Variants in POU6F2 observed in about 807,000 individuals in gnomAD.
The protein encoded by POU6F2 is POU domain, class 6, transcription factor 2.
POU6F2 carries 31 observed loss-of-function variants against 71.3 expected under a neutral mutation model. The observed-to-expected ratio is 0.43, with a 90% CI of 0.33 to 0.59. POU6F2 has a LOEUF of 0.59. Ranked by LOEUF, POU6F2 falls within the 20% of genes least tolerant of loss-of-function variation. POU6F2 has a pLI of 0.04. For synonymous variants in POU6F2, 347 were observed against 355.7 expected, an observed-to-expected ratio of 0.98 and a Z score of 0.27; for missense variants, 783 against 856.8, an observed-to-expected ratio of 0.91 and a Z score of 1.07.
In POU6F2 at chr7:38,992,193, G is replaced by A. The variant is rs147591668; in HGVS notation, c.105+14135G>A. On this transcript the variant is annotated intron_variant, in intron 1 of 9. Transcript: ENST00000518318. ...TAATTTATACCTCAGTAGAATGCTCGTCTCAAGTGGTTTTGAAGCCTCAAG... is the reference window on the plus strand; with the variant it reads ...TAATTTATACCTCAGTAGAATGCTCATCTCAAGTGGTTTTGAAGCCTCAAG... Among the ~76,000 whole-genome samples the A allele has an allele frequency of 6.0e-3, 909 of 152,220 alleles. 8 individuals carry two copies. Among genetic ancestry groups the A allele is most frequent in the South Asian group, 0.035 (168 of 4,816 alleles).
At chr7:39,420,293 G>A (rs1380611390) in intron 6 of POU6F2, among the ~76,000 whole-genome samples, 2 of 152,200 alleles carry the variant, frequency 1.3e-5, no homozygotes, top group African/African-American at 4.8e-5. Context: ...CTGAAAGAAA[G>A]AATGTTTATG....
chr7:39,010,438 T>C lies in POU6F2; in HGVS notation c.105+32380T>C, dbSNP rs1228357710. Among the ~76,000 whole-genome samples the C allele has an allele frequency of 1.6e-4, 25 of 151,808 alleles. No homozygotes were observed. The South Asian group carries it at 4.2e-3, about 25-fold the overall frequency. On this transcript the variant is annotated intron_variant, in intron 1 of 9. Coordinates refer to ENST00000518318, the MANE Select transcript of POU6F2 (RefSeq NM_001370959.1). ...TTTTTTTCTTTATTAGTCTTGCTAG[T>C]GGTCTATGAATTTTGTTGATCCTTT...
At chr7:39,270,935 G>T (rs34985861) in intron 4 of POU6F2, among the ~76,000 whole-genome samples, 1 of 151,812 alleles carries the variant, frequency 6.6e-6, no homozygotes, top group African/African-American at 2.4e-5. Flanking sequence ...GACCCCTTCC[G>T]CCTTGAGGAT....
At chr7:39,270,676 T>C (rs1425654756) in intron 4 of POU6F2, among the ~76,000 whole-genome samples, 1 of 152,114 alleles carries the variant, frequency 6.6e-6, no homozygotes, top group African/African-American at 2.4e-5. Context: ...CAATGGAACA[T>C]TGATTTTTGC....
chr7:38,994,314 G>A (rs1483231650), intron 1 of POU6F2, among the ~76,000 whole-genome samples: 6 of 152,072 alleles, frequency 3.9e-5, no homozygotes, highest in South Asian at 2.1e-4. Flanking sequence ...ACTGGTACTC[G>A]GTGGGTTTCA....
intron 4 of POU6F2, among the ~76,000 whole-genome samples, chr7:39,297,429 G>A (rs1476881210): frequency 6.6e-6 from 1 of 152,132 alleles, no homozygotes; most frequent in Non-Finnish European, 1.5e-5. Flanking sequence ...TATAATACAA[G>A]AAAAACTTGG....
chr7:39,140,817 G>A (rs143413003), intron 2 of POU6F2, among the ~76,000 whole-genome samples: 2 of 152,194 alleles, frequency 1.3e-5, no homozygotes, highest in East Asian at 3.8e-4. Context: ...GATCATTTAA[G>A]CCTTGCTCAG....
intron 5 of POU6F2, among the ~76,000 whole-genome samples, chr7:39,363,331 C>T (rs1786430368): frequency 6.6e-6 from 1 of 151,950 alleles, no homozygotes; most frequent in African/African-American, 2.4e-5. Context: ...CCCCATTGAT[C>T]GAGGTAAGGA....
At chr7:39,061,549 A>AT (rs1307979302) in intron 1 of POU6F2, among the ~76,000 whole-genome samples, 2 of 152,202 alleles carry the variant, frequency 1.3e-5, no homozygotes, top group African/African-American at 4.8e-5. Flanking sequence ...TTTGGAAATT[A>AT]TTGGTTCACT....
chr7:39,303,382 C>T (rs1784989423), intron 4 of POU6F2, among the ~76,000 whole-genome samples: 3 of 152,222 alleles, frequency 2.0e-5, no homozygotes, highest in South Asian at 2.1e-4. Flanking sequence ...CTCCTGACCT[C>T]GTGATCTGCC....
At chr7:39,360,410 G>A (rs550371791) in intron 5 of POU6F2, among the ~76,000 whole-genome samples, 10 of 152,268 alleles carry the variant, frequency 6.6e-5, no homozygotes, top group African/African-American at 1.9e-4. Context: ...AAATAGAAAC[G>A]TTAATGTAAA....
intron 4 of POU6F2, among the ~76,000 whole-genome samples, chr7:39,319,424 G>A (rs1785340957): frequency 7.5e-6 from 1 of 133,272 alleles, no homozygotes. Context: ...ATGGTATTGT[G>A]GTTTTTGGAA....
At chr7:39,094,796 A>T (rs1407778071) in intron 2 of POU6F2, among the ~76,000 whole-genome samples, 1 of 152,112 alleles carries the variant, frequency 6.6e-6, no homozygotes, top group Non-Finnish European at 1.5e-5. Flanking sequence ...ATTGCACATG[A>T]CTTTTTGCTC....
intron 1 of POU6F2, among the ~76,000 whole-genome samples, chr7:39,021,770 A>G (rs545906230): frequency 1.7e-4 from 26 of 152,168 alleles, no homozygotes; most frequent in African/African-American, 6.3e-4. Context: ...AAAAATGATG[A>G]TTTACATGGG....
intron 1 of POU6F2, among the ~76,000 whole-genome samples, chr7:39,084,854 A>G (rs1008721288): frequency 2.0e-5 from 3 of 152,146 alleles, no homozygotes; most frequent in African/African-American, 7.2e-5. Flanking sequence ...AATAGCTCCC[A>G]GATCTCGCAA....
At chr7:39,390,728 C>T (rs1787056215) in intron 5 of POU6F2, among the ~76,000 whole-genome samples, 1 of 152,144 alleles carries the variant, frequency 6.6e-6, no homozygotes, top group Non-Finnish European at 1.5e-5. Flanking sequence ...GAGTGTATAA[C>T]ATAGAATATA....
At chr7:39,277,939 C>T (rs941832143) in intron 4 of POU6F2, among the ~76,000 whole-genome samples, 46 of 152,136 alleles carry the variant, frequency 3.0e-4, no homozygotes, top group African/African-American at 1.1e-3. Context: ...CGCCTGTAGT[C>T]CCAGCTACTT....
chr7:39,309,259 A>G (rs1411863181), intron 4 of POU6F2, among the ~76,000 whole-genome samples: 2 of 152,254 alleles, frequency 1.3e-5, no homozygotes, highest in Non-Finnish European at 2.9e-5. Context: ...AGCCTCCACA[A>G]GGGAGGAGAT....
Position 39,284,905 on chromosome 7 carries a change from G to A in POU6F2, c.599-54737G>A, listed in dbSNP as rs886275084. Among the ~76,000 whole-genome samples, 10 of 152,230 alleles carry A rather than the reference G, an allele frequency of 6.6e-5. No homozygotes were observed. In the South Asian group the frequency reaches 1.9e-3, roughly 28 times the overall value. On this transcript the variant is annotated intron_variant, in intron 4 of 9. Coordinates refer to ENST00000518318, the MANE Select transcript of POU6F2 (RefSeq NM_001370959.1). ...CTAACAATAAAGATGGTCTGGGTGGGTCTAGGCATCATTGCTTCTCACAGG... is the reference window on the plus strand; with the variant it reads ...CTAACAATAAAGATGGTCTGGGTGGATCTAGGCATCATTGCTTCTCACAGG...
Sources: allele counts gnomAD v4.1 joint callset (sites outside exome capture counted in the v4.1 genomes callset), GRCh38; gene constraint gnomAD v4.1.1; transcripts MANE v1.5; gene names NCBI Gene and HGNC (gene_info 2026-07-23, HGNC 2026-07-21).